Variants in CDC123 observed in about 807,000 individuals in gnomAD.
CDC123 encodes the protein translation initiation factor eIF2 assembly protein.
CDC123 carries 37 observed loss-of-function variants against 54.4 expected under a neutral mutation model. The ratio of observed to expected loss-of-function variants is 0.68; its 90% confidence interval spans 0.52 to 0.89. CDC123 has a LOEUF of 0.89. Ranked by LOEUF, CDC123 falls within the 40% of genes least tolerant of loss-of-function variation. CDC123 has a pLI of 0.00. For synonymous variants in CDC123, 144 were observed against 136.8 expected (o/e 1.05, Z -0.37); for missense variants, 361 against 412.1 (o/e 0.88, Z 1.07).
chr10:12,249,143 AAT>A (rs1554750875), intron 11 of CDC123, among the ~76,000 whole-genome samples: 1 of 116,846 alleles, frequency 8.6e-6, no homozygotes, highest in Admixed American at 9.3e-5. Context: ...AAAAAAAAAA[AAT>A]AGTTTGGCAT....
chr10:12,204,059 C>T (rs1048933982), intron 2 of CDC123, among the ~76,000 whole-genome samples: 2 of 150,656 alleles, frequency 1.3e-5, no homozygotes, highest in Middle Eastern at 3.2e-3. Context: ...TGCCTCTGCA[C>T]TCCAGCCTGG....
chr10:12,225,153 G>C (rs1442327149), intron 6 of CDC123, among the ~76,000 whole-genome samples: 4 of 152,142 alleles, frequency 2.6e-5, no homozygotes, highest in African/African-American at 9.7e-5. Flanking sequence ...CCAGCACTTT[G>C]GGAGGCCGAG....
intron 7 of CDC123, among the ~76,000 whole-genome samples, chr10:12,232,100 G>A (rs1835909517): frequency 6.6e-6 from 1 of 152,098 alleles, no homozygotes; most frequent in Non-Finnish European, 1.5e-5. Context: ...GCCTGCCTCA[G>A]CCTCCCAAAA....
At chr10:12,224,070 G>A (rs1032772565) in intron 6 of CDC123, among the ~76,000 whole-genome samples, 3 of 151,456 alleles carry the variant, frequency 2.0e-5, no homozygotes, top group Non-Finnish European at 2.9e-5. Flanking sequence ...ATGCCTTTGC[G>A]TCTTCATAGC....
intron 6 of CDC123, among the ~76,000 whole-genome samples, chr10:12,219,852 A>AT (rs759214059): frequency 7.9e-5 from 12 of 151,508 alleles, no homozygotes; most frequent in East Asian, 3.9e-4. Flanking sequence ...CGCCCAGCTA[A>AT]TTTTTTTTTG....
At chr10:12,249,477 G>A (rs1836208538) in intron 11 of CDC123, 104 bp from the exon 12 acceptor site, 12 of 1,177,240 alleles carry the variant, frequency 1.0e-5, no homozygotes, top group Non-Finnish European at 9.7e-6. Flanking sequence ...AAGTACAGAG[G>A]AAAACATGGA....
intron 6 of CDC123, 103 bp downstream of exon 6, chr10:12,217,570 C>A: frequency 8.7e-7 from 1 of 1,151,756 alleles, no homozygotes; most frequent in African/African-American, 1.6e-5. Flanking sequence ...ATCATAGCTC[C>A]ATATAACAAA....
intron 10 of CDC123, among the ~76,000 whole-genome samples, chr10:12,239,640 G>A (rs548407014): frequency 6.6e-6 from 1 of 151,762 alleles, no homozygotes; most frequent in South Asian, 2.1e-4. Flanking sequence ...ACCAGGAGGT[G>A]GAGGTTGCAG....
At chr10:12,209,862 C>G in intron 2 of CDC123, 105 bp from the exon 3 acceptor site, 2 of 1,089,752 alleles carry the variant, frequency 1.8e-6, no homozygotes, top group Non-Finnish European at 2.8e-6. Flanking sequence ...CCACACCTAG[C>G]CTAATTTTAA....
intron 7 of CDC123, 52 bp from the exon 8 acceptor site, chr10:12,234,996 A>T (rs1303751045): frequency 7.3e-7 from 1 of 1,378,228 alleles, no homozygotes; most frequent in Non-Finnish European, 1.0e-6. Context: ...ATTGCCTAGT[A>T]GACCTTACCA....
chr10:12,241,362 C>T (rs978289633), intron 10 of CDC123, among the ~76,000 whole-genome samples: 1 of 152,040 alleles, frequency 6.6e-6, no homozygotes, highest in East Asian at 1.9e-4. Flanking sequence ...TCTTTTCTGG[C>T]TTTTGAATTT....
chr10:12,217,038 T>C (rs1835673070), intron 5 of CDC123, among the ~76,000 whole-genome samples: 1 of 152,224 alleles, frequency 6.6e-6, no homozygotes, highest in Non-Finnish European at 1.5e-5. Context: ...ACTACCTTAA[T>C]CTTGTAGCCA....
At chr10:12,219,670 T>G (rs1306762590) in intron 6 of CDC123, among the ~76,000 whole-genome samples, 3 of 148,512 alleles carry the variant, frequency 2.0e-5, no homozygotes, top group East Asian at 4.0e-4. Flanking sequence ...GCTGTCTACT[T>G]GATAATTCAA....
chr10:12,219,229 A>G (rs1835701297), intron 6 of CDC123, among the ~76,000 whole-genome samples: 1 of 152,232 alleles, frequency 6.6e-6, no homozygotes, highest in East Asian at 1.9e-4. Context: ...AATTCAAGAA[A>G]GGGAAGTTAA....
chr10:12,248,587 C>T (rs537819249), intron 11 of CDC123, among the ~76,000 whole-genome samples: 1 of 151,788 alleles, frequency 6.6e-6, no homozygotes, highest in East Asian at 1.9e-4. Context: ...AGGTGGATCA[C>T]CTGAGGTTGG....
At chr10:12,232,365 A>G (rs1170802902) in intron 7 of CDC123, among the ~76,000 whole-genome samples, 1 of 152,060 alleles carries the variant, frequency 6.6e-6, no homozygotes, top group Non-Finnish European at 1.5e-5. Context: ...TAATTTTAAA[A>G]TCTGTCTTTA....
At chr10:12,210,722 A>G (rs545813989) in intron 4 of CDC123, among the ~76,000 whole-genome samples, 1 of 152,230 alleles carries the variant, frequency 6.6e-6, no homozygotes, top group African/African-American at 2.4e-5. Context: ...TATTTTTGAG[A>G]CAGATTCTTG....
At chr10:12,230,254 A>G (rs1048156034) in intron 6 of CDC123, among the ~76,000 whole-genome samples, 2 of 151,238 alleles carry the variant, frequency 1.3e-5, no homozygotes, top group Non-Finnish European at 2.9e-5. Flanking sequence ...GTTCAGTGGC[A>G]CTGTCTCGGC....
intron 2 of CDC123, among the ~76,000 whole-genome samples, chr10:12,206,780 A>C (rs976226954): frequency 1.3e-4 from 20 of 152,202 alleles, no homozygotes; most frequent in Admixed American, 6.5e-4. Context: ...AACACGGTGA[A>C]ACCCCATCTC....
Sources: allele counts gnomAD v4.1 joint callset (sites outside exome capture counted in the v4.1 genomes callset), GRCh38; gene constraint gnomAD v4.1.1; transcripts MANE v1.5; gene names NCBI Gene and HGNC (gene_info 2026-07-23, HGNC 2026-07-21).